SPEF2: variants seen among roughly 807,000 people sequenced by gnomAD.
The protein encoded by SPEF2 is sperm flagella and cilia-associated protein 2.
In SPEF2, 187 loss-of-function variants were observed where a neutral mutation model predicts 224.6. The observed-to-expected ratio is 0.83, with a 90% CI of 0.74 to 0.94. The LOEUF is 0.94. Among genes scored for constraint, SPEF2 ranks in the 40% least tolerant of loss-of-function variants. The pLI is 0.00. For missense variants in SPEF2, 2,170 were observed against 2,135.6 expected (o/e 1.02, Z -0.32); for synonymous variants, 715 against 707.3 (o/e 1.01, Z -0.17).
chr5:35,792,544 A>T, intron 31 of SPEF2, 98 bp downstream of exon 31: 1 of 923,456 alleles, frequency 1.1e-6, no homozygotes, highest in East Asian at 2.6e-5. Context: ...ATAGTGTCTG[A>T]CATTTAGTAG....
chr5:35,795,285 A>G (rs575363737), intron 32 of SPEF2, among the ~76,000 whole-genome samples: 1 of 152,286 alleles, frequency 6.6e-6, no homozygotes, highest in African/African-American at 2.4e-5. Flanking sequence ...CAGATAGGAC[A>G]TGAACAGGAC....
intron 19 of SPEF2, chr5:35,710,851 G>C: frequency 1.0e-6 from 1 of 985,362 alleles, no homozygotes; most frequent in Non-Finnish European, 1.2e-6. Context: ...TTGCTTTAAA[G>C]AGTGGTTGTA....
intron 29 of SPEF2, among the ~76,000 whole-genome samples, chr5:35,777,639 G>A (rs1428470675): frequency 6.7e-6 from 1 of 150,242 alleles, no homozygotes; most frequent in African/African-American, 2.5e-5. Context: ...GTGGCCACAA[G>A]AAGTTAAAAC....
At chr5:35,742,725 T>C (rs977404928) in intron 23 of SPEF2, among the ~76,000 whole-genome samples, 9 of 152,094 alleles carry the variant, frequency 5.9e-5, no homozygotes, top group Non-Finnish European at 1.2e-4. Context: ...CTCTGTTCCT[T>C]ACTGACTTCT....
rs758625406 is a variant in SPEF2 at position 35,693,355 on chromosome 5, G to C, written c.1899+631G>C. ...GCTGCTTAAGTGGTGTTCAGAAACT[G>C]TATGAAAACTGTCGGCAGGCCTTTG... On this transcript the variant is annotated intron_variant, in intron 12 of 36. Transcript: ENST00000356031. Among the ~76,000 whole-genome samples the C allele has an allele frequency of 2.6e-5, 4 of 152,168 alleles. No homozygotes were observed. The East Asian group carries it at 5.8e-4, about 22-fold the overall frequency.
intron 20 of SPEF2, among the ~76,000 whole-genome samples, chr5:35,726,092 A>G (rs1744602718): frequency 6.6e-6 from 1 of 152,210 alleles, no homozygotes; most frequent in Non-Finnish European, 1.5e-5. Flanking sequence ...TCAAAAGTGA[A>G]TATTCACTAA....
rs370188021 is a variant in SPEF2 at position 35,664,735 on chromosome 5, A to G, written c.1168-2337A>G. ...GAGAGAGAGGGAGGGAGAGAGAGGG[A>G]GAGGGAGAGAGAGAGAGGAAGGAAG... On this transcript the variant is annotated intron_variant, in intron 8 of 36. Transcript: ENST00000356031. 1.2e-3 allele frequency among the ~76,000 whole-genome samples: 170 copies of G among 143,956 alleles called. 6 individuals are homozygous for G. The East Asian group carries it at 0.028, about 24-fold the overall frequency. The allele number at this position is 143,956 out of a possible 152,430, so 94.4% of individuals were successfully genotyped here. A position where few individuals can be genotyped will look rare whatever the true frequency, so the allele number is the denominator to read the frequency against.
In SPEF2 at chr5:35,646,796, A is replaced by C; in HGVS notation, c.715A>C (p.Lys239Gln). Residue 239 changes from lysine (K) to glutamine (Q), a missense_variant, in exon 5 of 37, where the codon AAA becomes CAA. Lys to Gln is a moderately conservative substitution (Grantham distance 53). Transcript: ENST00000356031. ...LEAQKMMKKK[K>Q]EAEDVADEIK... The stretch of plus-strand genomic sequence containing the variant: ...GGCCCAAAAAATGATGAAAAAGAAA[A>C]AAGAGGCAGAAGTAAGTGATAATCC... 1 of 1,613,796 alleles carries C rather than the reference A, an allele frequency of 6.2e-7. No individual in the cohort carries two copies. The highest frequency in any genetic ancestry group is 8.5e-7 in the Non-Finnish European group (1 of 1,179,822).
intron 19 of SPEF2, chr5:35,709,386 AG>A: frequency 8.2e-7 from 1 of 1,218,984 alleles, no homozygotes; most frequent in Non-Finnish European, 1.0e-6. Context: ...AGACGAGAAG[AG>A]GAAAAGGCAC....
chr5:35,800,786 G>A lies in SPEF2; in HGVS notation c.5010+639G>A, dbSNP rs577746606. 5.9e-5 allele frequency among the ~76,000 whole-genome samples: 9 copies of A among 152,250 alleles called. No individual in the cohort carries two copies. The East Asian group carries it at 1.4e-3, about 23-fold the overall frequency. On this transcript the variant is annotated intron_variant, in intron 34 of 36. Coordinates refer to ENST00000356031, the MANE Select transcript of SPEF2 (RefSeq NM_024867.4). Reference sequence around the variant, plus strand: ...CTTTTGGTTCTGTTGTTTGGGGGCTGGAGCAGTGGATCCATCTGATGGGAT... The same window carrying A: ...CTTTTGGTTCTGTTGTTTGGGGGCTAGAGCAGTGGATCCATCTGATGGGAT...
chr5:35,628,199 T>A (rs886518503), intron 1 of SPEF2, among the ~76,000 whole-genome samples: 1 of 152,148 alleles, frequency 6.6e-6, no homozygotes, highest in Non-Finnish European at 1.5e-5. Flanking sequence ...TAAAAAAAAA[T>A]TTTATCTGTT....
At position 35,659,124 on chromosome 5, in the gene SPEF2, T is replaced by C; in HGVS notation, c.1084T>C (p.Leu362=). Residue 362 remains leucine (L), a synonymous_variant, in exon 8 of 37, where the codon TTA becomes CTA. Coordinates refer to ENST00000356031, the MANE Select transcript of SPEF2 (RefSeq NM_024867.4). ...LMHVRHEKEV[L]WQNRIFREKQ... ...GCATGTTCGGCATGAAAAGGAAGTT[T>C]TATGGCAAAACAGAATTTTCAGAGA... 1 of 1,613,218 alleles carries C rather than the reference T, an allele frequency of 6.2e-7. No homozygotes were observed. Among genetic ancestry groups the C allele is most frequent in the Non-Finnish European group, 8.5e-7 (1 of 1,179,480 alleles).
intron 34 of SPEF2, among the ~76,000 whole-genome samples, chr5:35,804,775 C>T (rs531564249): frequency 6.6e-6 from 1 of 152,092 alleles, no homozygotes; most frequent in Admixed American, 6.6e-5. Flanking sequence ...TAAGTTTCTC[C>T]CCCTAATTAT....
intron 14 of SPEF2, among the ~76,000 whole-genome samples, chr5:35,697,335 G>A (rs1170916482): frequency 6.6e-6 from 1 of 152,130 alleles, no homozygotes; most frequent in Non-Finnish European, 1.5e-5. Context: ...ACTGGTCAAG[G>A]GCCATGTTTA....
chr5:35,738,979 A>G (rs1317105977), intron 21 of SPEF2, among the ~76,000 whole-genome samples: 2 of 151,982 alleles, frequency 1.3e-5, no homozygotes, highest in African/African-American at 2.4e-5. Flanking sequence ...TCTTGTTTCA[A>G]TTTTTGCAGA....
At chr5:35,633,574 T>C (rs1024415607) in intron 2 of SPEF2, among the ~76,000 whole-genome samples, 2 of 152,050 alleles carry the variant, frequency 1.3e-5, no homozygotes, top group African/African-American at 4.8e-5. Flanking sequence ...TTGTATATTC[T>C]GTCAATTCCC....
chr5:35,618,274 C>T (rs151301327), intron 1 of SPEF2, among the ~76,000 whole-genome samples: 2 of 152,300 alleles, frequency 1.3e-5, no homozygotes, highest in Non-Finnish European at 2.9e-5. Flanking sequence ...AGGGCAAGGC[C>T]TTGTCACGTC....
chr5:35,705,061 GC>G (rs1286674236), intron 17 of SPEF2, among the ~76,000 whole-genome samples: 1 of 151,930 alleles, frequency 6.6e-6, no homozygotes, highest in Admixed American at 6.6e-5. Flanking sequence ...TGTGCAATTT[GC>G]CATTGCAAAG....
intron 18 of SPEF2, among the ~76,000 whole-genome samples, chr5:35,706,038 T>C (rs1739687624): frequency 8.2e-6 from 1 of 121,952 alleles, no homozygotes; most frequent in Admixed American, 8.0e-5. Flanking sequence ...TCTGAAAGCA[T>C]TGTTTTCACA....
Sources: allele counts gnomAD v4.1 joint callset (sites outside exome capture counted in the v4.1 genomes callset), GRCh38; gene constraint gnomAD v4.1.1; transcripts MANE v1.5; gene names NCBI Gene and HGNC (gene_info 2026-07-23, HGNC 2026-07-21).